The following LMBRD1 variants were observed in gnomAD, a reference collection of about 807,000 sequenced individuals.
LMBRD1 encodes the protein lysosomal cobalamin transport escort protein LMBD1.
A neutral mutation model predicts 74.8 loss-of-function variants in LMBRD1; 64 were observed. The observed-to-expected ratio is 0.86, with a 90% CI of 0.70 to 1.05. The LOEUF is 1.05. Among genes scored for constraint, LMBRD1 ranks in the 50% least tolerant of loss-of-function variants. LMBRD1 has a pLI of 0.00. For synonymous variants in LMBRD1, 204 were observed against 216.3 expected, an observed-to-expected ratio of 0.94 and a Z score of 0.50; for missense variants, 652 against 645.9, an observed-to-expected ratio of 1.01 and a Z score of -0.10.
intron 4 of LMBRD1, among the ~76,000 whole-genome samples, 190 bp from the exon 5 acceptor site, chr6:69,749,598 G>A (rs1765075274): frequency 6.6e-6 from 1 of 151,614 alleles, no homozygotes; most frequent in Non-Finnish European, 1.5e-5. Flanking sequence ...TGCAAAACAT[G>A]AGATTTTTTA....
chr6:69,752,614 G>A (rs1765183343), intron 3 of LMBRD1, among the ~76,000 whole-genome samples: 1 of 151,978 alleles, frequency 6.6e-6, no homozygotes, highest in African/African-American at 2.4e-5. Flanking sequence ...GTAATAACTG[G>A]GTCAAGAACA....
chr6:69,746,023 C>T (rs968372208), intron 5 of LMBRD1: 2 of 216,132 alleles, frequency 9.3e-6, no homozygotes, highest in African/African-American at 4.6e-5. Context: ...CACGATTCCA[C>T]CCATGGCAAG....
intron 3 of LMBRD1, among the ~76,000 whole-genome samples, chr6:69,760,998 C>T (rs981263143): frequency 1.3e-5 from 2 of 152,108 alleles, no homozygotes; most frequent in South Asian, 2.1e-4. Context: ...AGAACCTGAC[C>T]GAGCACACCC....
At chr6:69,699,803 T>C (rs1187606004) in intron 12 of LMBRD1, among the ~76,000 whole-genome samples, 1 of 151,864 alleles carries the variant, frequency 6.6e-6, no homozygotes, top group East Asian at 1.9e-4. Flanking sequence ...TAGATTGTAG[T>C]ACACCACAAT....
At chr6:69,709,247 A>AG (rs1398840546) in intron 9 of LMBRD1, among the ~76,000 whole-genome samples, 1 of 152,034 alleles carries the variant, frequency 6.6e-6, no homozygotes, top group Non-Finnish European at 1.5e-5. Context: ...AAAAAAAAAA[A>AG]GAAAAGAAAC....
intron 2 of LMBRD1, among the ~76,000 whole-genome samples, chr6:69,785,019 A>G (rs1177623843): frequency 1.3e-5 from 2 of 152,118 alleles, no homozygotes; most frequent in African/African-American, 4.8e-5. Context: ...TTCTCTGTCC[A>G]TATCTAACCC....
intron 11 of LMBRD1, 40 bp from the exon 12 acceptor site, chr6:69,700,909 A>G (rs752374564): frequency 1.7e-6 from 2 of 1,196,346 alleles, no homozygotes; most frequent in South Asian, 1.5e-5. Context: ...CATATAAACT[A>G]TAAGCACTCT....
At chr6:69,737,862 G>T (rs1767008555) in intron 7 of LMBRD1, 80 bp downstream of exon 7, 4 of 933,330 alleles carry the variant, frequency 4.3e-6, no homozygotes, top group African/African-American at 3.3e-5. Flanking sequence ...AAGGAAAACA[G>T]AATAAAGTTT....
intron 1 of LMBRD1, among the ~76,000 whole-genome samples, chr6:69,793,707 A>G (rs1766141322): frequency 6.9e-6 from 1 of 145,754 alleles, no homozygotes; most frequent in Non-Finnish European, 1.5e-5. Flanking sequence ...GGCAACATTC[A>G]TGTCCTGAAT....
chr6:69,713,950 AATAAAC>A (rs1411901559), intron 8 of LMBRD1, among the ~76,000 whole-genome samples, 153 bp from the exon 9 acceptor site: 1 of 152,106 alleles, frequency 6.6e-6, no homozygotes, highest in African/African-American at 2.4e-5. Context: ...GCAATATGAC[AATAAAC>A]ATAGGATAAC....
chr6:69,694,180 A>G (rs1293001767), intron 14 of LMBRD1, among the ~76,000 whole-genome samples: 2 of 152,132 alleles, frequency 1.3e-5, no homozygotes, highest in Non-Finnish European at 2.9e-5. Context: ...CAGTCCAGTA[A>G]TATCAGGGCA....
At position 69,724,350 on chromosome 6, in the gene LMBRD1, A is replaced by T. The variant is rs1391335817; in HGVS notation, c.637-5269T>A. Among the ~76,000 whole-genome samples the T allele has an allele frequency of 2.9e-4, 11 of 38,054 alleles. No individual in the cohort carries two copies. In the East Asian group the frequency reaches 4.7e-3, roughly 16 times the overall value. The allele number at this position is 38,054 out of a possible 152,430, so 25.0% of individuals were successfully genotyped here. A position where few individuals can be genotyped will look rare whatever the true frequency, so the allele number is the denominator to read the frequency against. On this transcript the variant is annotated intron_variant, in intron 7 of 15. Transcript: ENST00000649934. Reference sequence around the variant, plus strand: ...GATACCAAAACCAAAGACACATTTAAAAAAAAAAAAAAAAACACTACAGGC... The same window carrying T: ...GATACCAAAACCAAAGACACATTTATAAAAAAAAAAAAAAACACTACAGGC...
chr6:69,745,114 G>A lies in LMBRD1; in HGVS notation c.474-3237C>T, dbSNP rs943934917. ...CTCCCAAAGTGCTGGGATTACAGGC[G>A]GGAGCCACCATGCCCAGCCCACAGT... is the stretch of plus-strand genomic sequence containing the variant. On this transcript the variant is annotated intron_variant, in intron 5 of 15. Transcript: ENST00000649934. 3.3e-5 allele frequency among the ~76,000 whole-genome samples: 5 copies of A among 151,090 alleles called. No homozygotes were observed. In the East Asian group the frequency reaches 7.8e-4, roughly 24 times the overall value.
At chr6:69,697,171 T>C (rs1264386526) in intron 14 of LMBRD1, among the ~76,000 whole-genome samples, 1 of 151,964 alleles carries the variant, frequency 6.6e-6, no homozygotes, top group Non-Finnish European at 1.5e-5. Flanking sequence ...ACTATTATTA[T>C]TAAATTAAAT....
intron 14 of LMBRD1, among the ~76,000 whole-genome samples, chr6:69,686,332 T>C (rs1046474590): frequency 6.7e-6 from 1 of 148,692 alleles, no homozygotes; most frequent in African/African-American, 2.4e-5. Context: ...CTAACCTACA[T>C]ACCACATCAC....
intron 14 of LMBRD1, 151 bp downstream of exon 14, chr6:69,697,412 A>G: frequency 1.6e-6 from 1 of 608,278 alleles, no homozygotes; most frequent in Non-Finnish European, 3.0e-6. Flanking sequence ...CATCAACAAG[A>G]AATTCTACTG....
At chr6:69,789,694 C>G (rs780505058) in intron 2 of LMBRD1, among the ~76,000 whole-genome samples, 1 of 152,108 alleles carries the variant, frequency 6.6e-6, no homozygotes, top group Non-Finnish European at 1.5e-5. Flanking sequence ...GGGGCTACAA[C>G]AACAGAGACA....
intron 7 of LMBRD1, 21 bp downstream of exon 7, chr6:69,737,921 A>T (rs753101658): frequency 1.3e-6 from 2 of 1,562,744 alleles, no homozygotes; most frequent in Non-Finnish European, 1.8e-6. Context: ...ATTTTAACTC[A>T]ATTATCCCCA....
intron 7 of LMBRD1, among the ~76,000 whole-genome samples, chr6:69,734,954 G>C (rs1226021376): frequency 6.6e-6 from 1 of 152,134 alleles, no homozygotes; most frequent in Non-Finnish European, 1.5e-5. Flanking sequence ...TTTGCAAAGT[G>C]AAAATTATAA....
Sources: gnomAD v4.1 joint callset for allele counts (sites outside exome capture counted in the v4.1 genomes callset) on GRCh38, gnomAD v4.1.1 for gene constraint, MANE v1.5 for transcripts, NCBI Gene and HGNC (gene_info 2026-07-23, HGNC 2026-07-21) for gene names.